CFAP54: variants seen among roughly 807,000 people sequenced by gnomAD.
CFAP54 encodes cilia- and flagella-associated protein 54.
CFAP54 carries 290 observed loss-of-function variants against 370.4 expected under a neutral mutation model. The observed-to-expected ratio is 0.78, with a 90% confidence interval of 0.71 to 0.86. CFAP54 has a LOEUF of 0.86. Among genes scored for constraint, CFAP54 ranks in the 40% least tolerant of loss-of-function variants. The pLI is 0.00. For synonymous variants in CFAP54, 1,206 were observed against 1,236.5 expected, an observed-to-expected ratio of 0.98 and a Z score of 0.52; for missense variants, 3,399 against 3,528.7, an observed-to-expected ratio of 0.96 and a Z score of 0.93.
At chr12:96,812,796 A>T (rs1178963209) in intron 64 of CFAP54, among the ~76,000 whole-genome samples, 1 of 152,182 alleles carries the variant, frequency 6.6e-6, no homozygotes, top group African/African-American at 2.4e-5. Context: ...CATGAAAGAG[A>T]CAAAGGCTGT....
intron 50 of CFAP54, among the ~76,000 whole-genome samples, chr12:96,723,582 T>C (rs1957785832): frequency 6.6e-6 from 1 of 150,898 alleles, no homozygotes; most frequent in Admixed American, 6.6e-5. Context: ...CTTTAGAAGA[T>C]GCTTGGGAAA....
chr12:96,649,058 A>G (rs1956830248), intron 34 of CFAP54, among the ~76,000 whole-genome samples: 1 of 152,026 alleles, frequency 6.6e-6, no homozygotes, highest in Non-Finnish European at 1.5e-5. Context: ...GCTCTTACAT[A>G]CTCATATAGA....
chr12:96,560,100 T>C (rs1465736821), intron 17 of CFAP54, among the ~76,000 whole-genome samples: 2 of 152,226 alleles, frequency 1.3e-5, no homozygotes, highest in Admixed American at 6.5e-5. Flanking sequence ...ATTCATCATC[T>C]CAAACATTTA....
chr12:96,867,864 T>C (rs1960044721), intron 67 of CFAP54, among the ~76,000 whole-genome samples: 1 of 152,178 alleles, frequency 6.6e-6, no homozygotes, highest in South Asian at 2.1e-4. Context: ...CAATGTGTTG[T>C]ACGCTCAAAA....
chr12:96,678,518 C>CT (rs1244069160), intron 39 of CFAP54, among the ~76,000 whole-genome samples: 4 of 152,192 alleles, frequency 2.6e-5, no homozygotes, highest in Non-Finnish European at 5.9e-5. Context: ...TCCCAAAGTT[C>CT]TGGGATTACA....
At chr12:96,859,803 T>A (rs546966388) in intron 66 of CFAP54, among the ~76,000 whole-genome samples, 5 of 152,224 alleles carry the variant, frequency 3.3e-5, no homozygotes, top group African/African-American at 1.2e-4. Context: ...AAGCCAATAA[T>A]GGCAACCTAA....
chr12:96,489,629 C>T lies in CFAP54; in HGVS notation c.20C>T (p.Pro7Leu), dbSNP rs998613918. The change falls in exon 1 of 68, where the codon CCC (proline) becomes CTC (leucine). Residue 7 changes from proline to leucine, a missense_variant. Pro to Leu is a moderately conservative substitution (Grantham distance 98, BLOSUM62 -3). Coordinates refer to ENST00000524981, the MANE Select transcript of CFAP54 (RefSeq NM_001306084.2). MAAQGS[P>L]SSSPSDDSTT... ...GTCAATATGGCGGCGCAGGGCTCCC[C>T]CTCGAGCTCTCCGTCAGACGACTCT... 3.3e-6 allele frequency: 5 copies of T among 1,526,542 alleles called. No individual in the cohort carries two copies. Among genetic ancestry groups the T allele is most frequent in the South Asian group, 2.4e-5 (2 of 83,788 alleles). 94.6% of individuals were successfully genotyped at this position (1,526,542 alleles called of 1,614,324 possible).
chr12:96,537,366 A>C (rs1331465706), intron 12 of CFAP54, among the ~76,000 whole-genome samples: 1 of 152,050 alleles, frequency 6.6e-6, no homozygotes, highest in Non-Finnish European at 1.5e-5. Flanking sequence ...TTTTTGAGAC[A>C]GAGTCTTGCT....
chr12:96,708,611 A>G lies in CFAP54; in HGVS notation c.6532A>G (p.Ile2178Val). Residue 2178 changes from isoleucine (I) to valine (V), a missense_variant, in exon 48 of 68, where the codon ATT (isoleucine) becomes GTT (valine). Physicochemically the swap from Ile to Val is conservative, Grantham distance 29. Coordinates refer to ENST00000524981, the MANE Select transcript of CFAP54 (RefSeq NM_001306084.2). ...LLTSKENIQA[I>V]DELRNKGLPA... ...TTTCCTTTTTTCCATTTTTTAGGCA[A>G]TTGATGAATTAAGAAATAAAGGCTT... is the stretch of plus-strand genomic sequence containing the variant. The G allele has an allele frequency of 1.3e-6, 2 of 1,586,298 alleles. No homozygotes were observed. Among genetic ancestry groups the G allele is most frequent in the Admixed American group, 3.9e-5 (2 of 51,464 alleles).
intron 50 of CFAP54, among the ~76,000 whole-genome samples, chr12:96,727,740 G>C (rs934296662): frequency 6.6e-6 from 1 of 151,576 alleles, no homozygotes; most frequent in Admixed American, 6.6e-5. Flanking sequence ...TGGTTATTTT[G>C]CTCGTTAGTT....
chr12:96,654,286 T>C (rs181049751), intron 36 of CFAP54, among the ~76,000 whole-genome samples: 1 of 152,056 alleles, frequency 6.6e-6, no homozygotes, highest in Non-Finnish European at 1.5e-5. Flanking sequence ...CGGATCACGA[T>C]GTCAGGAGAT....
intron 66 of CFAP54, among the ~76,000 whole-genome samples, chr12:96,830,658 A>G (rs773927849): frequency 6.6e-6 from 1 of 151,904 alleles, no homozygotes; most frequent in Non-Finnish European, 1.5e-5. Flanking sequence ...CCACATATTC[A>G]TCTCTCCTAG....
At chr12:96,505,201 T>C (rs147537139) in intron 3 of CFAP54, among the ~76,000 whole-genome samples, 137 of 151,872 alleles carry the variant, frequency 9.0e-4, no homozygotes, top group African/African-American at 3.1e-3. Context: ...GTAGCTGGGA[T>C]TACAGGCGCA....
chr12:96,555,763 A>T (rs1012076035), intron 17 of CFAP54, among the ~76,000 whole-genome samples: 2 of 151,890 alleles, frequency 1.3e-5, no homozygotes, highest in African/African-American at 4.8e-5. Context: ...AAATGAAGGT[A>T]GATTGTGTTT....
rs1960275222 is a variant in CFAP54 at position 96,875,147 on chromosome 12, G to A, written c.*44G>A. ...GATAAAACTGAGAAATAAATCAAGA[G>A]TATGACAACAGACTGAGGAATTTTT... On this transcript the variant is annotated 3_prime_UTR_variant, in exon 68 of 68. Coordinates refer to ENST00000524981, the MANE Select transcript of CFAP54 (RefSeq NM_001306084.2). 6.6e-6 allele frequency: 1 copy of A among 152,156 alleles called. No homozygotes were observed. Among genetic ancestry groups the A allele is most frequent in the Non-Finnish European group, 1.5e-5 (1 of 68,018 alleles). 9.4% of individuals were successfully genotyped at this position (152,156 alleles called of 1,614,324 possible).
intron 26 of CFAP54, among the ~76,000 whole-genome samples, chr12:96,608,305 A>T (rs1226006387): frequency 5.1e-5 from 2 of 39,224 alleles, no homozygotes. Flanking sequence ...ATGCATATAT[A>T]TATACACACA....
intron 66 of CFAP54, among the ~76,000 whole-genome samples, chr12:96,852,671 G>T (rs1447442302): frequency 6.6e-6 from 1 of 152,040 alleles, no homozygotes; most frequent in Non-Finnish European, 1.5e-5. Flanking sequence ...TGATGGATTG[G>T]ACTATATTTT....
intron 36 of CFAP54, among the ~76,000 whole-genome samples, chr12:96,653,904 CATATT>C (rs900671413): frequency 2.5e-4 from 38 of 151,712 alleles, no homozygotes; most frequent in African/African-American, 1.5e-4. Context: ...ACAAATTACT[CATATT>C]AGTAGTGGAG....
chr12:96,739,838 T>G, intron 50 of CFAP54, 118 bp from the exon 51 acceptor site: 1 of 602,114 alleles, frequency 1.7e-6, no homozygotes, highest in Non-Finnish European at 2.8e-6. Flanking sequence ...CACCTAACAG[T>G]TTTGGGGGTT....
Sources: gnomAD v4.1 joint callset for allele counts (sites outside exome capture counted in the v4.1 genomes callset) on GRCh38, gnomAD v4.1.1 for gene constraint, MANE v1.5 for transcripts, NCBI Gene and HGNC (gene_info 2026-07-23, HGNC 2026-07-21) for gene names.